GRID2: variants seen among roughly 807,000 people sequenced by gnomAD.
GRID2 encodes the protein glutamate receptor ionotropic, delta-2.
Under a neutral mutation model 114.8 loss-of-function variants are expected in GRID2, and 33 were observed. The ratio of observed to expected loss-of-function variants is 0.29; its 90% CI spans 0.22 to 0.38. The LOEUF is 0.38. GRID2 is among the 10% of genes least tolerant of loss of function. The probability of loss-of-function intolerance (pLI) is 1.00; values close to 1 mark genes in which losing one functional copy is unlikely to be tolerated. For missense variants in GRID2, 1,184 were observed against 1,257.7 expected (o/e 0.94, Z 0.89); for synonymous variants, 505 against 449.9 (o/e 1.12, Z -1.55).
At chr4:93,648,076 C>T (rs1476350188) in intron 14 of GRID2, among the ~76,000 whole-genome samples, 2 of 152,110 alleles carry the variant, frequency 1.3e-5, no homozygotes, top group Non-Finnish European at 2.9e-5. Context: ...CTGTCATGCC[C>T]TTAACCAGTT....
In GRID2 at chr4:93,515,209, A is replaced by G. The variant is rs1729592376; in HGVS notation, c.1998-7A>G. On this transcript the variant is annotated splice_region_variant and splice_polypyrimidine_tract_variant and intron_variant, in intron 12 of 15. Transcript: ENST00000282020. ...TCTTGTGTCTCTCTTCTCTCCCAAT[A>G]ATCAAGGTCTCTCCAGGACCTTTCC... The G allele has an allele frequency of 7.0e-7, 1 of 1,433,574 alleles. No homozygotes were observed. The allele number at this position is 1,433,574 out of a possible 1,614,324, so 88.8% of individuals were successfully genotyped here. A position where few individuals can be genotyped will look rare whatever the true frequency, so the allele number is the denominator to read the frequency against.
chr4:92,788,078 A>G lies in GRID2; in HGVS notation c.244+197792A>G, dbSNP rs1739406423. 2.0e-5 allele frequency among the ~76,000 whole-genome samples: 3 copies of G among 151,844 alleles called. No individual in the cohort carries two copies. The South Asian group carries it at 6.2e-4, about 31-fold the overall frequency. The stretch of plus-strand genomic sequence containing the variant: ...GCCTAATATAATTGTGGATATATAG[A>G]TGGAATTTCAAACCATGAGCTTGGA... On this transcript the variant is annotated intron_variant, in intron 2 of 15. Coordinates refer to ENST00000282020, the MANE Select transcript of GRID2 (RefSeq NM_001510.4).
intron 10 of GRID2, among the ~76,000 whole-genome samples, chr4:93,430,267 G>A (rs1369105564): frequency 3.9e-5 from 6 of 151,966 alleles, no homozygotes; most frequent in South Asian, 2.1e-4. Flanking sequence ...TGCAACCTCC[G>A]CCTCCTGGGT....
intron 2 of GRID2, among the ~76,000 whole-genome samples, chr4:92,591,825 T>G (rs1728718315): frequency 6.6e-6 from 1 of 152,034 alleles, no homozygotes; most frequent in Admixed American, 6.6e-5. Context: ...CTGTTTTAAG[T>G]AAAAACTGGC....
chr4:92,792,691 G>C (rs1739651666), intron 2 of GRID2, among the ~76,000 whole-genome samples: 1 of 151,780 alleles, frequency 6.6e-6, no homozygotes, highest in African/African-American at 2.4e-5. Context: ...TAGATTTATA[G>C]AGCATAGAGA....
At chr4:92,887,122 A>G (rs988346071) in intron 2 of GRID2, among the ~76,000 whole-genome samples, 2 of 152,080 alleles carry the variant, frequency 1.3e-5, no homozygotes, top group Non-Finnish European at 2.9e-5. Context: ...TTTTTTGTTC[A>G]TATTGTTATC....
intron 1 of GRID2, among the ~76,000 whole-genome samples, chr4:92,541,892 T>G (rs977836): frequency 0.13 from 19,338 of 152,012 alleles, 1,608 homozygotes; most frequent in Middle Eastern, 0.24. Flanking sequence ...TTTAAATAGG[T>G]GAAACATAGA....
At chr4:93,716,374 A>T (rs1728902848) in intron 14 of GRID2, among the ~76,000 whole-genome samples, 2 of 152,308 alleles carry the variant, frequency 1.3e-5, no homozygotes, top group African/African-American at 4.8e-5. Flanking sequence ...CAGAGTTCAG[A>T]AATGTTCCTC....
At chr4:92,782,757 G>A (rs1345504472) in intron 2 of GRID2, among the ~76,000 whole-genome samples, 2 of 151,970 alleles carry the variant, frequency 1.3e-5, no homozygotes, top group Non-Finnish European at 2.9e-5. Context: ...AGATGAGAAA[G>A]TTGGTGTCCT....
chr4:92,622,176 A>G (rs1160748942), intron 2 of GRID2, among the ~76,000 whole-genome samples: 1 of 151,778 alleles, frequency 6.6e-6, no homozygotes, highest in Non-Finnish European at 1.5e-5. Flanking sequence ...CATAGTAAGA[A>G]TTAACCTGAG....
chr4:93,678,614 G>A (rs1464163886), intron 14 of GRID2, among the ~76,000 whole-genome samples: 1 of 152,014 alleles, frequency 6.6e-6, no homozygotes, highest in Non-Finnish European at 1.5e-5. Flanking sequence ...GAGAGTGGGG[G>A]CCAATATTCA....
At chr4:93,764,700 A>G (rs1733491211) in intron 14 of GRID2, among the ~76,000 whole-genome samples, 1 of 152,310 alleles carries the variant, frequency 6.6e-6, no homozygotes, top group African/African-American at 2.4e-5. Flanking sequence ...TCACAGTCTA[A>G]TAGCTAAACT....
chr4:92,872,676 A>C (rs1042211138), intron 2 of GRID2, among the ~76,000 whole-genome samples: 1 of 152,210 alleles, frequency 6.6e-6, no homozygotes, highest in Non-Finnish European at 1.5e-5. Context: ...GTTCTCAGAA[A>C]GAAACATTTT....
intron 4 of GRID2, among the ~76,000 whole-genome samples, chr4:93,131,409 C>A (rs981887359): frequency 9.9e-5 from 15 of 151,692 alleles, no homozygotes; most frequent in Admixed American, 4.6e-4. Flanking sequence ...ACCTTGGCTT[C>A]CCAAAGTGCT....
chr4:93,310,763 A>G (rs913086138), intron 8 of GRID2, among the ~76,000 whole-genome samples: 7 of 152,328 alleles, frequency 4.6e-5, no homozygotes, highest in Admixed American at 2.0e-4. Flanking sequence ...AGATTTTATT[A>G]AATTTTGGGG....
intron 8 of GRID2, among the ~76,000 whole-genome samples, chr4:93,275,485 C>T (rs1414556331): frequency 1.3e-5 from 2 of 151,386 alleles, no homozygotes; most frequent in Non-Finnish European, 3.0e-5. Context: ...TTTGGTAACT[C>T]TATGTTTACC....
intron 2 of GRID2, among the ~76,000 whole-genome samples, chr4:92,825,730 A>T (rs543192481): frequency 6.6e-6 from 1 of 152,264 alleles, no homozygotes; most frequent in South Asian, 2.1e-4. Context: ...TCAAAATAGC[A>T]TGTAATGCAA....
chr4:93,363,847 G>A (rs1299755), intron 8 of GRID2, among the ~76,000 whole-genome samples: 151,124 of 151,376 alleles, frequency 1, 75,436 homozygotes, highest in East Asian at 1. Context: ...GAAAATATAT[G>A]TATATATAGT....
intron 1 of GRID2, among the ~76,000 whole-genome samples, chr4:92,537,979 T>C (rs1026594857): frequency 1.3e-5 from 2 of 152,174 alleles, no homozygotes; most frequent in Non-Finnish European, 2.9e-5. Context: ...AATCTTCATG[T>C]TGCCATTTCC....
Sources: gnomAD v4.1 joint callset for allele counts (sites outside exome capture counted in the v4.1 genomes callset) on GRCh38, gnomAD v4.1.1 for gene constraint, MANE v1.5 for transcripts, NCBI Gene and HGNC (gene_info 2026-07-23, HGNC 2026-07-21) for gene names.